The following MED15 variants were observed in gnomAD, a reference collection of about 807,000 sequenced individuals.
MED15 encodes mediator of RNA polymerase II transcription subunit 15.
Under a neutral mutation model 118.7 loss-of-function variants are expected in MED15, and 41 were observed. The observed-to-expected ratio is 0.35, with a 90% CI of 0.27 to 0.45. The LOEUF (loss-of-function observed/expected upper bound fraction) is 0.45. Ranked by LOEUF, MED15 falls within the 20% of genes least tolerant of loss-of-function variation. The pLI, the probability that MED15 is intolerant of heterozygous loss-of-function variation, is 1.00. For missense variants in MED15, 740 were observed against 1,025.5 expected (o/e 0.72, Z 3.80); for synonymous variants, 436 against 413.9 (o/e 1.05, Z -0.65).
At chr22:20,572,305 A>AAACAC (rs2056689815) in intron 8 of MED15, among the ~76,000 whole-genome samples, 1 of 152,210 alleles carries the variant, frequency 6.6e-6, no homozygotes, top group Non-Finnish European at 1.5e-5. Context: ...TGTATGTATG[A>AAACAC]GCTGCCGCGT....
intron 1 of MED15, chr22:20,508,079 A>G: frequency 7.6e-7 from 1 of 1,316,504 alleles, no homozygotes; most frequent in Non-Finnish European, 9.8e-7. Context: ...GGAGAGAAGC[A>G]GCCGGCTGTA....
At chr22:20,566,900 G>A in intron 7 of MED15, 83 bp downstream of exon 7, 1 of 1,562,060 alleles carries the variant, frequency 6.4e-7, no homozygotes, top group Non-Finnish European at 8.7e-7. Flanking sequence ...GCTAGAGATA[G>A]CATATCCTAT....
At position 20,570,768 on chromosome 22, in the gene MED15, T is replaced by TTTTTTTTG. The variant is rs1356601459; in HGVS notation, c.1152+2144_1152+2145insGTTTTTTT. 1.6e-5 allele frequency among the ~76,000 whole-genome samples: 2 copies of TTTTTTTTG among 126,640 alleles called. 1 individual carries two copies. Among genetic ancestry groups the TTTTTTTTG allele is most frequent in the African/African-American group, 6.3e-5 (2 of 31,738 alleles). 83.1% of individuals were successfully genotyped at this position (126,640 alleles called of 152,430 possible). On this transcript the variant is annotated intron_variant, in intron 8 of 17. Transcript: ENST00000263205. ...TTTCTTTTTTTTTTTTTTTTTTTTTTTTTTTTTTGACAGAGTCTTGCTCTC... is the reference window on the plus strand; with the variant it reads ...TTTCTTTTTTTTTTTTTTTTTTTTTTTTTTTTTGTTTTTTTTGACAGAGTCTTGCTCTC...
At chr22:20,552,064 TAGG>T (rs1302597231) in intron 3 of MED15, among the ~76,000 whole-genome samples, 3 of 152,176 alleles carry the variant, frequency 2.0e-5, no homozygotes, top group African/African-American at 7.2e-5. Context: ...CATTGCATCC[TAGG>T]GCCAGGGTCT....
At chr22:20,550,969 C>T (rs557478835) in intron 2 of MED15, 5 of 360,692 alleles carry the variant, frequency 1.4e-5, no homozygotes, top group South Asian at 6.2e-5. Context: ...GCAGATACTG[C>T]GTCATCAGTG....
intron 8 of MED15, 24 bp from the exon 9 acceptor site, chr22:20,575,089 T>C: frequency 1.2e-6 from 2 of 1,612,956 alleles, no homozygotes; most frequent in African/African-American, 1.3e-5. Flanking sequence ...GATCACCTTG[T>C]CTGTTGTCCC....
In MED15 at chr22:20,566,407, A is replaced by G. The variant is rs540111221; in HGVS notation, c.691-60A>G. 6.2e-5 allele frequency: 99 copies of G among 1,592,250 alleles called. 1 individual carries two copies. The East Asian group carries it at 2.1e-3, about 35-fold the overall frequency. On this transcript the variant is annotated intron_variant, in intron 6 of 17. Transcript: ENST00000263205. ...TCCTGAGGCCCAGACTGTCACAGGG[A>G]GGAGCTGGTGCCACAGAGGCAGATG...
chr22:20,508,379 T>G, intron 1 of MED15: 1 of 1,304,244 alleles, frequency 7.7e-7, no homozygotes, highest in East Asian at 5.6e-5. Flanking sequence ...CACCACCGAC[T>G]GCTTGTTTCT....
chr22:20,537,011 G>T (rs1368741988), intron 1 of MED15, 106 bp from the exon 2 acceptor site: 2 of 997,628 alleles, frequency 2.0e-6, no homozygotes, highest in East Asian at 5.1e-5. Context: ...GCTGGCGATA[G>T]CACCTTGTCA....
intron 13 of MED15, chr22:20,583,637 G>A: frequency 1.9e-6 from 1 of 519,898 alleles, no homozygotes; most frequent in South Asian, 2.2e-5. Flanking sequence ...GGCCATCACA[G>A]CCAGACCTCA....
intron 9 of MED15, chr22:20,582,240 A>G (rs1310579422): frequency 5.8e-6 from 2 of 344,402 alleles, no homozygotes; most frequent in African/African-American, 2.2e-5. Flanking sequence ...CCCACAGAGG[A>G]GCATGTCACA....
chr22:20,552,136 A>T (rs2146519322), intron 3 of MED15, among the ~76,000 whole-genome samples: 1 of 152,352 alleles, frequency 6.6e-6, no homozygotes, highest in Admixed American at 6.5e-5. Context: ...GGATGGCCAC[A>T]GCCTGCGAAG....
intron 1 of MED15, 95 bp downstream of exon 1, chr22:20,507,841 G>T: frequency 1.9e-6 from 3 of 1,559,798 alleles, no homozygotes; most frequent in South Asian, 2.3e-5. Flanking sequence ...AACCTACGGC[G>T]CCGGGAGACA....
At chr22:20,573,869 A>T (rs1042973540) in intron 8 of MED15, 1 of 152,132 alleles carries the variant, frequency 6.6e-6, no homozygotes, top group African/African-American at 2.4e-5. Flanking sequence ...GTGGTGGTAA[A>T]TCGACTCTCA....
chr22:20,521,567 G>A (rs907910456), intron 1 of MED15, among the ~76,000 whole-genome samples: 3 of 97,710 alleles, frequency 3.1e-5, no homozygotes, highest in Non-Finnish European at 6.3e-5. Context: ...TTTTTTTTTT[G>A]TATTTTTTTT....
At chr22:20,538,041 A>C (rs549630495) in intron 2 of MED15, among the ~76,000 whole-genome samples, 1 of 152,324 alleles carries the variant, frequency 6.6e-6, no homozygotes, top group South Asian at 2.1e-4. Flanking sequence ...CACCCTTTAA[A>C]GTTTACATTT....
chr22:20,520,669 C>T (rs923808099), intron 1 of MED15, among the ~76,000 whole-genome samples: 1 of 152,346 alleles, frequency 6.6e-6, no homozygotes, highest in Admixed American at 6.5e-5. Flanking sequence ...CCAGCCAGGG[C>T]AAACTGTGCA....
rs907772342 is a variant in MED15 at position 20,582,735 on chromosome 22, A to C, written c.1397A>C (p.Asn466Thr). 10 of 1,589,668 alleles carry C rather than the reference A, an allele frequency of 6.3e-6. No individual in the cohort carries two copies. In the African/African-American group the frequency reaches 6.7e-5, roughly 11 times the overall value. Residue 466 changes from asparagine (N) to threonine (T), a missense_variant, in exon 10 of 18, where the codon AAC becomes ACC. By Grantham distance (65) the Asn-to-Thr change is moderately conservative. Coordinates refer to ENST00000263205, the MANE Select transcript of MED15 (RefSeq NM_001003891.3). ...CCCGGCCAGCCCAGCTCACAGCCCA[A>C]CTCCAACGTCAGGTAGGCCTGGCCT... ...PQPGQPSSQP[N>T]SNVSSGPAPS... is the part of the protein sequence containing the mutation.
chr22:20,579,455 C>T (rs559830483), intron 9 of MED15, among the ~76,000 whole-genome samples: 1 of 152,058 alleles, frequency 6.6e-6, no homozygotes, highest in Non-Finnish European at 1.5e-5. Context: ...ACCCGTGTTC[C>T]ACTGCACCCT....
Sources: allele counts gnomAD v4.1 joint callset (sites outside exome capture counted in the v4.1 genomes callset), GRCh38; gene constraint gnomAD v4.1.1; transcripts MANE v1.5; gene names NCBI Gene and HGNC (gene_info 2026-07-23, HGNC 2026-07-21).